Variants in RHBDD1 observed in about 807,000 individuals in gnomAD.
RHBDD1 encodes rhomboid domain containing 1, also known as rhomboid-related protein 4.
In RHBDD1, 38 loss-of-function variants were observed where a neutral mutation model predicts 36.3. That is an observed-to-expected ratio of 1.05 (90% CI 0.81 to 1.37). The LOEUF is 1.37. Ranked by LOEUF, RHBDD1 falls within the 40% of genes most tolerant of loss-of-function variation. The pLI, the probability that RHBDD1 is intolerant of heterozygous loss-of-function variation, is 0.00. For synonymous variants in RHBDD1, 151 were observed against 136.5 expected (o/e 1.11, Z -0.74); for missense variants, 393 against 377.6 (o/e 1.04, Z -0.34).
chr2:226,908,452 C>T (rs762508960), intron 6 of RHBDD1: 1 of 199,954 alleles, frequency 5.0e-6, no homozygotes, highest in Non-Finnish European at 1.0e-5. Context: ...CTAACACCTT[C>T]TTTGAGGAAG....
intron 8 of RHBDD1, among the ~76,000 whole-genome samples, chr2:226,949,000 C>T (rs1951225482): frequency 6.6e-6 from 1 of 152,032 alleles, no homozygotes; most frequent in Non-Finnish European, 1.5e-5. Context: ...CCAATAATAG[C>T]CAAATCATGA....
intron 5 of RHBDD1, chr2:226,895,928 A>G (rs1947064281): frequency 3.8e-6 from 2 of 531,026 alleles, no homozygotes; most frequent in Non-Finnish European, 4.8e-6. Flanking sequence ...CTGAAACACT[A>G]TTATAAGAAG....
the RHBDD1 span, among the ~76,000 whole-genome samples, chr2:226,826,497 C>A: frequency 1.3e-5 from 2 of 149,706 alleles, no homozygotes; most frequent in South Asian, 4.3e-4. Flanking sequence ...ATTCTCCTGG[C>A]TGTAGAACAA....
intron 8 of RHBDD1, among the ~76,000 whole-genome samples, chr2:226,926,554 AC>A (rs1366649878): frequency 1.3e-5 from 2 of 152,190 alleles, no homozygotes; most frequent in African/African-American, 4.8e-5. Flanking sequence ...ATTGGCACTT[AC>A]ATTTGAGGAC....
Position 226,926,027 on chromosome 2 carries a change from C to T in RHBDD1, c.856+11676C>T, listed in dbSNP as rs115443006. Among the ~76,000 whole-genome samples, 726 of 152,104 alleles carry T rather than the reference C, an allele frequency of 4.8e-3. 5 individuals carry two copies. Among genetic ancestry groups the T allele is most frequent in the South Asian group, 0.042 (202 of 4,808 alleles). Reference sequence around the variant, plus strand: ...GAATTGTTTGGGCTGAACCCTCTGACAGGTTGGAGACATCCTGTTACTTTG... The same window carrying T: ...GAATTGTTTGGGCTGAACCCTCTGATAGGTTGGAGACATCCTGTTACTTTG... On this transcript the variant is annotated intron_variant, in intron 8 of 8. Transcript: ENST00000392062.
intron 3 of RHBDD1, among the ~76,000 whole-genome samples, chr2:226,861,564 A>T (rs1166799011): frequency 6.6e-6 from 1 of 152,260 alleles, no homozygotes; most frequent in South Asian, 2.1e-4. Flanking sequence ...TCTGCTACAT[A>T]AAGCCCAGCA....
chr2:226,878,594 A>G (rs1302203061), intron 5 of RHBDD1, among the ~76,000 whole-genome samples: 1 of 152,176 alleles, frequency 6.6e-6, no homozygotes, highest in Non-Finnish European at 1.5e-5. Flanking sequence ...AAGAGGCCCA[A>G]CCATCAGTGG....
At chr2:226,949,892 T>C (rs976386565) in intron 8 of RHBDD1, among the ~76,000 whole-genome samples, 1 of 152,158 alleles carries the variant, frequency 6.6e-6, no homozygotes, top group African/African-American at 2.4e-5. Flanking sequence ...ACTAGTCAGA[T>C]TGGTTTAAGG....
intron 5 of RHBDD1, among the ~76,000 whole-genome samples, chr2:226,886,876 G>T (rs1180331355): frequency 2.6e-5 from 4 of 151,754 alleles, no homozygotes; most frequent in Non-Finnish European, 1.5e-5. Flanking sequence ...TTAATTTAAA[G>T]AACTAGAAAA....
intron 5 of RHBDD1, chr2:226,895,823 G>A (rs985054340): frequency 1.1e-4 from 106 of 985,098 alleles, no homozygotes; most frequent in Non-Finnish European, 1.2e-4. Context: ...AAACTATTTA[G>A]GCTTATCCAC....
intron 5 of RHBDD1, among the ~76,000 whole-genome samples, chr2:226,877,522 A>AT (rs920803239): frequency 9.2e-6 from 1 of 108,954 alleles, no homozygotes; most frequent in Non-Finnish European, 2.1e-5. Flanking sequence ...GGCTTGCTTT[A>AT]TTTTTTTAGA....
rs538424636 is a variant in RHBDD1, at chr2:226,903,417, G to A, written c.567-3376G>A. The stretch of plus-strand genomic sequence containing the variant: ...TCCATGCTGTCTCTGCTACCCACCC[G>A]TGAGTCACTTAGTAGCTGTTATGAT... On this transcript the variant is annotated intron_variant, in intron 5 of 8. Transcript: ENST00000392062. Among the ~76,000 whole-genome samples, 3 of 152,252 alleles carry A rather than the reference G, an allele frequency of 2.0e-5. No homozygotes were observed. The East Asian group carries it at 5.8e-4, about 29-fold the overall frequency.
chr2:226,891,855 T>G (rs1026795801), intron 5 of RHBDD1, among the ~76,000 whole-genome samples: 2 of 152,222 alleles, frequency 1.3e-5, no homozygotes, highest in African/African-American at 4.8e-5. Flanking sequence ...GGATGCTTGT[T>G]GCCATTGGTC....
In RHBDD1 at chr2:226,997,063, A is replaced by T. The variant is rs1462265518; in HGVS notation, c.*1541A>T. The T allele has an allele frequency of 6.6e-6, 1 of 152,194 alleles. No homozygotes were observed. Among genetic ancestry groups the T allele is most frequent in the African/African-American group, 2.4e-5 (1 of 41,440 alleles). The allele number at this position is 152,194 out of a possible 1,614,324, so 9.4% of individuals were successfully genotyped here. On this transcript the variant is annotated 3_prime_UTR_variant, in exon 9 of 9. Transcript: ENST00000392062. ...GAGTTTTGTGTCCAAATCCAATCTG[A>T]ATTTACCTGGAAGAGGCCTTGACAC...
the RHBDD1 span, among the ~76,000 whole-genome samples, chr2:226,807,107 G>C: frequency 6.6e-6 from 1 of 152,068 alleles, no homozygotes; most frequent in Non-Finnish European, 1.5e-5. Context: ...CAGGCAAAAG[G>C]CAAATTAAGA....
chr2:226,894,490 C>T lies in RHBDD1; in HGVS notation c.567-12303C>T, dbSNP rs141600910. On this transcript the variant is annotated intron_variant, in intron 5 of 8. Coordinates refer to ENST00000392062, the MANE Select transcript of RHBDD1 (RefSeq NM_001167608.3). ...TTCACCATGTTGGCCAGGCTGGTCT[C>T]GATCTCCTGATGTCAAGTGATCTGC... Among the ~76,000 whole-genome samples the T allele has an allele frequency of 7.2e-4, 109 of 152,236 alleles. 1 individual carries two copies. The highest frequency in any genetic ancestry group is 2.4e-3 in the African/African-American group (101 of 41,544).
intron 3 of RHBDD1, among the ~76,000 whole-genome samples, chr2:226,857,460 A>G (rs1410612391): frequency 6.6e-6 from 1 of 152,220 alleles, no homozygotes; most frequent in East Asian, 1.9e-4. Context: ...AACTGAAAAC[A>G]TGTTCATAAA....
chr2:226,845,836 A>T (rs1038695716), intron 3 of RHBDD1, among the ~76,000 whole-genome samples: 3 of 152,256 alleles, frequency 2.0e-5, no homozygotes, highest in Non-Finnish European at 4.4e-5. Flanking sequence ...TTTGATTAAC[A>T]GGAAGCTGAT....
chr2:226,992,699 C>T (rs1048786328), intron 8 of RHBDD1, among the ~76,000 whole-genome samples: 2 of 152,170 alleles, frequency 1.3e-5, no homozygotes, highest in Non-Finnish European at 2.9e-5. Flanking sequence ...GAGCTTCCCA[C>T]ATGTCCATAT....
Sources: allele counts gnomAD v4.1 joint callset (sites outside exome capture counted in the v4.1 genomes callset), GRCh38; gene constraint gnomAD v4.1.1; transcripts MANE v1.5; gene names NCBI Gene and HGNC (gene_info 2026-07-23, HGNC 2026-07-21).